The following CFAP61 variants were observed in gnomAD, a reference collection of about 807,000 sequenced individuals.
The protein encoded by CFAP61 is cilia- and flagella-associated protein 61.
In CFAP61, 107 loss-of-function variants were observed where a neutral mutation model predicts 135.6. The observed-to-expected ratio is 0.79, with a 90% CI of 0.67 to 0.93. CFAP61 has a LOEUF of 0.93. Ranked by LOEUF, CFAP61 falls within the 40% of genes least tolerant of loss-of-function variation. The pLI, the probability that CFAP61 is intolerant of heterozygous loss-of-function variation, is 0.00. For missense variants in CFAP61, 1,507 were observed against 1,556.2 expected (o/e 0.97, Z 0.53); for synonymous variants, 575 against 578.5 (o/e 0.99, Z 0.09).
intron 17 of CFAP61, chr20:20,201,065 T>A (rs953889473): frequency 5.1e-5 from 32 of 630,414 alleles, no homozygotes; most frequent in Non-Finnish European, 5.9e-5. Flanking sequence ...GTCCTTTTTT[T>A]AATTAATGTG....
intron 2 of CFAP61, among the ~76,000 whole-genome samples, chr20:20,067,668 AT>A (rs1304240758): frequency 2.8e-5 from 4 of 141,952 alleles, no homozygotes; most frequent in African/African-American, 1.0e-4. Flanking sequence ...TATATAATAT[AT>A]ATATTTATAT....
In CFAP61 at chr20:20,164,145, C is replaced by A; in HGVS notation, c.1122C>A (p.Pro374=). Residue 374 remains proline (P), a synonymous_variant, in exon 11 of 27, where the codon CCC becomes CCA. Transcript: ENST00000245957. The stretch of plus-strand genomic sequence containing the variant: ...CATCGCTCGTACTGCCTGAAGAGCC[C>A]GTCCACTTCCGCCCCATCTACAGGG... ...SLASLVLPEE[P]VHFRPIYRGA... 1.9e-6 allele frequency: 3 copies of A among 1,614,066 alleles called. No individual in the cohort carries two copies. The highest frequency in any genetic ancestry group is 2.5e-6 in the Non-Finnish European group (3 of 1,179,974).
chr20:20,284,095 A>G (rs2054395967), intron 22 of CFAP61, among the ~76,000 whole-genome samples: 1 of 152,168 alleles, frequency 6.6e-6, no homozygotes, highest in Non-Finnish European at 1.5e-5. Context: ...TACTTAGACC[A>G]TTAATATTTA....
At chr20:20,187,261 G>A (rs951344423) in intron 13 of CFAP61, among the ~76,000 whole-genome samples, 13 of 152,160 alleles carry the variant, frequency 8.5e-5, no homozygotes, top group Admixed American at 2.0e-4. Flanking sequence ...AACCAATGTC[G>A]CTCCTGGCAG....
At chr20:20,092,516 G>A (rs1354220480) in intron 7 of CFAP61, among the ~76,000 whole-genome samples, 1 of 152,182 alleles carries the variant, frequency 6.6e-6, no homozygotes, top group African/African-American at 2.4e-5. Context: ...TTGAGGCTTT[G>A]TTCTACATCA....
chr20:20,105,726 G>A (rs1364165888), intron 8 of CFAP61, among the ~76,000 whole-genome samples: 1 of 151,712 alleles, frequency 6.6e-6, no homozygotes, highest in Non-Finnish European at 1.5e-5. Context: ...CCGCCTCCCA[G>A]GTTCACACCA....
intron 6 of CFAP61, chr20:20,085,590 A>G (rs2046744533): frequency 1.7e-6 from 2 of 1,200,362 alleles, no homozygotes; most frequent in Admixed American, 1.9e-5. Flanking sequence ...GAGCAGGCCT[A>G]GGGCTCTGGG....
chr20:20,089,539 GA>G (rs1010024563), intron 6 of CFAP61, among the ~76,000 whole-genome samples: 4 of 127,358 alleles, frequency 3.1e-5, no homozygotes, highest in Non-Finnish European at 5.0e-5. Context: ...AGATATACTA[GA>G]AAAAAATAAC....
intron 21 of CFAP61, among the ~76,000 whole-genome samples, chr20:20,268,738 C>T (rs2053021033): frequency 6.6e-6 from 1 of 152,132 alleles, no homozygotes; most frequent in African/African-American, 2.4e-5. Context: ...CAACCCGATA[C>T]ATTATAACAA....
At chr20:20,121,071 T>C (rs946019345) in intron 8 of CFAP61, among the ~76,000 whole-genome samples, 1 of 151,816 alleles carries the variant, frequency 6.6e-6, no homozygotes, top group Non-Finnish European at 1.5e-5. Flanking sequence ...TGCTTCTTTA[T>C]CTATTCATTT....
intron 10 of CFAP61, among the ~76,000 whole-genome samples, chr20:20,163,779 A>C (rs2053598041): frequency 6.9e-6 from 1 of 144,548 alleles, no homozygotes; most frequent in African/African-American, 2.6e-5. Context: ...TTTCCCCCCG[A>C]CCCCCCTGAC....
intron 18 of CFAP61, among the ~76,000 whole-genome samples, chr20:20,236,546 C>G (rs904689426): frequency 1.5e-4 from 23 of 152,160 alleles, no homozygotes; most frequent in African/African-American, 5.3e-4. Flanking sequence ...TTATTATTAA[C>G]ATTATATAGC....
At chr20:20,054,868 TCTGAA>T (rs1417842453) in intron 1 of CFAP61, among the ~76,000 whole-genome samples, 1 of 152,254 alleles carries the variant, frequency 6.6e-6, no homozygotes, top group Non-Finnish European at 1.5e-5. Flanking sequence ...TATTTTTTGC[TCTGAA>T]CTGAAGGTTC....
chr20:20,174,928 C>T (rs2054497367), intron 13 of CFAP61, among the ~76,000 whole-genome samples: 1 of 152,192 alleles, frequency 6.6e-6, no homozygotes, highest in African/African-American at 2.4e-5. Flanking sequence ...CAGGGCCTTC[C>T]CTTTCTGTCC....
intron 8 of CFAP61, among the ~76,000 whole-genome samples, chr20:20,123,467 A>G (rs780212679): frequency 4.0e-5 from 6 of 151,682 alleles, no homozygotes; most frequent in Non-Finnish European, 8.8e-5. Flanking sequence ...ATTCTCCTAC[A>G]TGTGGCCAGG....
chr20:20,209,951 G>A (rs1569134823), intron 17 of CFAP61, among the ~76,000 whole-genome samples: 1 of 152,120 alleles, frequency 6.6e-6, no homozygotes. Flanking sequence ...CTCACTGCTT[G>A]CTGCAGAAGA....
At chr20:20,142,003 C>G (rs756063775) in intron 8 of CFAP61, among the ~76,000 whole-genome samples, 2 of 152,136 alleles carry the variant, frequency 1.3e-5, no homozygotes, top group African/African-American at 4.8e-5. Context: ...GAGCAGATGT[C>G]ATGGCTGAGA....
intron 13 of CFAP61, among the ~76,000 whole-genome samples, chr20:20,177,069 G>A (rs4814953): frequency 0.9 from 137,115 of 151,884 alleles, 62,707 homozygotes; most frequent in Middle Eastern, 0.99. Context: ...TTTTGGTACT[G>A]CTGAGTTATT....
intron 25 of CFAP61, among the ~76,000 whole-genome samples, chr20:20,327,286 T>C (rs1214898325): frequency 6.6e-6 from 1 of 152,174 alleles, no homozygotes; most frequent in Non-Finnish European, 1.5e-5. Flanking sequence ...ACATGTACAA[T>C]ATTAAATGGT....
Sources: allele counts gnomAD v4.1 joint callset (sites outside exome capture counted in the v4.1 genomes callset), GRCh38; gene constraint gnomAD v4.1.1; transcripts MANE v1.5; gene names NCBI Gene and HGNC (gene_info 2026-07-23, HGNC 2026-07-21).